SYNE1: variants seen among roughly 807,000 people sequenced by gnomAD.
SYNE1 encodes spectrin repeat containing nuclear envelope protein 1, also known as nesprin-1.
Under a neutral mutation model 1,111.0 loss-of-function variants are expected in SYNE1, and 616 were observed. That is an observed-to-expected ratio of 0.55 (90% CI 0.52 to 0.59). The LOEUF is 0.59. Among genes scored for constraint, SYNE1 ranks in the 20% least tolerant of loss-of-function variants. SYNE1 has a pLI of 0.00. For missense variants in SYNE1, 10,006 were observed against 10,417.0 expected (o/e 0.96, Z 1.72); for synonymous variants, 3,855 against 3,825.8 (o/e 1.01, Z -0.28).
At chr6:152,334,319 C>T in intron 76 of SYNE1, 46 bp from the exon 77 acceptor site, 1 of 1,603,290 alleles carries the variant, frequency 6.2e-7, no homozygotes, top group East Asian at 2.2e-5. Context: ...TTAAGAAATG[C>T]CCAAATAAAT....
intron 3 of SYNE1, among the ~76,000 whole-genome samples, chr6:152,549,347 A>G (rs1316086388): frequency 6.6e-6 from 1 of 152,202 alleles, no homozygotes; most frequent in African/African-American, 2.4e-5. Context: ...AAATCCACAT[A>G]CTGTGAGAAA....
chr6:152,612,929 C>T (rs534416427), intron 3 of SYNE1, among the ~76,000 whole-genome samples: 1 of 152,208 alleles, frequency 6.6e-6, no homozygotes, highest in South Asian at 2.1e-4. Flanking sequence ...CAGAAAAGGC[C>T]TTTGACAAAA....
rs578055399 is a variant in SYNE1, at chr6:152,239,583, C to T, written c.20017G>A (p.Val6673Ile). 3.7e-6 allele frequency: 6 copies of T among 1,614,206 alleles called. No homozygotes were observed. Among genetic ancestry groups the T allele is most frequent in the African/African-American group, 1.3e-5 (1 of 75,058 alleles). ...CCCCTCTTGTGAGCCCGTTTCAGTACAGCAGAAGCCTGAGCCATCAGCTCT... is the reference window on the plus strand; with the variant it reads ...CCCCTCTTGTGAGCCCGTTTCAGTATAGCAGAAGCCTGAGCCATCAGCTCT... ...HTELMAQASA[V>I]LKRAHKRGVE... Residue 6673 changes from valine to isoleucine, a missense_variant, in exon 108 of 146, where the codon GTA becomes ATA. Physicochemically the swap from Val to Ile is conservative, Grantham distance 29 (BLOSUM62 3). Around this residue, in one of 7 missense-constraint regions of SYNE1, gnomAD observed 2,182 missense variants for 2,287.8 expected, o/e 0.95. Transcript: ENST00000367255.
chr6:152,127,201 T>C (rs1287071856), intron 145 of SYNE1: 2 of 152,124 alleles, frequency 1.3e-5, no homozygotes, highest in African/African-American at 2.4e-5. Flanking sequence ...TACCCATCAA[T>C]GGCCCTTCAG....
chr6:152,179,747 C>T (rs1360771526), intron 129 of SYNE1, among the ~76,000 whole-genome samples: 3 of 128,522 alleles, frequency 2.3e-5, no homozygotes, highest in Non-Finnish European at 4.7e-5. Context: ...TGCAGTGGCA[C>T]GATCTCGGCT....
chr6:152,620,743 G>A (rs1416681206), intron 3 of SYNE1, among the ~76,000 whole-genome samples: 1 of 152,040 alleles, frequency 6.6e-6, no homozygotes, highest in Non-Finnish European at 1.5e-5. Flanking sequence ...CGGCCTCCCA[G>A]CTTCCCCCAT....
At chr6:152,523,617 C>T (rs146126475) in intron 5 of SYNE1, among the ~76,000 whole-genome samples, 1 of 152,170 alleles carries the variant, frequency 6.6e-6, no homozygotes, top group East Asian at 1.9e-4. Flanking sequence ...ATAGGAATTG[C>T]ATTGAATCTA....
At chr6:152,511,585 G>T (rs561359644) in intron 6 of SYNE1, 1 of 1,612,524 alleles carries the variant, frequency 6.2e-7, no homozygotes, top group Non-Finnish European at 8.5e-7. Flanking sequence ...GATCCTCTGT[G>T]CATGGACTGA....
intron 4 of SYNE1, among the ~76,000 whole-genome samples, chr6:152,532,287 C>T (rs567414098): frequency 1.3e-5 from 2 of 152,174 alleles, no homozygotes; most frequent in Admixed American, 6.5e-5. Context: ...ACCTGTCTCA[C>T]ACCAGGACCA....
At chr6:152,396,561 TTTG>T (rs1422864701) in intron 50 of SYNE1, among the ~76,000 whole-genome samples, 1 of 152,174 alleles carries the variant, frequency 6.6e-6, no homozygotes, top group Non-Finnish European at 1.5e-5. Context: ...GTAAATATAG[TTTG>T]TTTTCTCTAT....
chr6:152,453,809 C>T (rs1197246235), intron 24 of SYNE1, 89 bp from the exon 25 acceptor site: 1 of 1,554,612 alleles, frequency 6.4e-7, no homozygotes, highest in East Asian at 2.2e-5. Flanking sequence ...CCAAACAAGC[C>T]TCTCAGCCAG....
At chr6:152,463,278 A>G in intron 19 of SYNE1, 75 bp downstream of exon 19, 1 of 1,601,370 alleles carries the variant, frequency 6.2e-7, no homozygotes, top group African/African-American at 1.3e-5. Flanking sequence ...TAAAAATAGC[A>G]TTCTCTCTAA....
In SYNE1 at chr6:152,407,037, C is replaced by A; in HGVS notation, c.6700G>T (p.Glu2234Ter). ...ACCTCAAATTCTTTAAGCAGTTCTT[C>A]AGCTCTGAGGTGGTTATCCAGGTTG... ...ISNLDNHLRAEELLKEFESEV... is the reference protein window; with the variant it reads ...ISNLDNHLRA The change falls in exon 45 of 146, where the codon GAA becomes TAA. Residue 2234 changes from glutamate to a stop codon, truncating the protein, a stop_gained. Transcript: ENST00000367255. LOFTEE classifies it high-confidence loss of function. 1.2e-6 allele frequency: 2 copies of A among 1,613,258 alleles called. No individual in the cohort carries two copies. Among genetic ancestry groups the A allele is most frequent in the Non-Finnish European group, 1.7e-6 (2 of 1,179,822 alleles).
intron 12 of SYNE1, 125 bp from the exon 13 acceptor site, chr6:152,485,097 A>T: frequency 2.7e-6 from 3 of 1,121,068 alleles, no homozygotes; most frequent in Non-Finnish European, 3.8e-6. Flanking sequence ...GTTGATAATA[A>T]TAACGGTAGT....
intron 9 of SYNE1, among the ~76,000 whole-genome samples, chr6:152,504,041 T>C (rs1382591211): frequency 6.6e-6 from 1 of 152,102 alleles, no homozygotes; most frequent in Admixed American, 6.6e-5. Flanking sequence ...GCAACCTCAG[T>C]TTCTAATCAT....
chr6:152,617,997 C>A (rs2099664606), intron 3 of SYNE1, among the ~76,000 whole-genome samples: 1 of 152,204 alleles, frequency 6.6e-6, no homozygotes, highest in African/African-American at 2.4e-5. Context: ...AATGGACACC[C>A]TTCCAACCAT....
intron 3 of SYNE1, among the ~76,000 whole-genome samples, chr6:152,577,002 TCAGA>T (rs2099499223): frequency 6.6e-6 from 1 of 152,204 alleles, no homozygotes; most frequent in South Asian, 2.1e-4. Context: ...GCTTTTATTG[TCAGA>T]CAATCAAAAT....
rs370484324 is a variant in SYNE1, at chr6:152,149,448, T to C, written c.24642+29A>G. 3.8e-5 allele frequency: 62 copies of C among 1,613,822 alleles called. No homozygotes were observed. In the African/African-American group the frequency reaches 5.3e-4, roughly 14 times the overall value. Reference sequence around the variant, plus strand: ...CACGACTTATTCTCTTTAGATTTAATGACAACTAAGAAAATCAATGTTACA... The same window carrying C: ...CACGACTTATTCTCTTTAGATTTAACGACAACTAAGAAAATCAATGTTACA... On this transcript the variant is annotated intron_variant, in intron 136 of 145. Coordinates refer to ENST00000367255, the MANE Select transcript of SYNE1 (RefSeq NM_182961.4).
At chr6:152,140,291 CGTT>C in intron 139 of SYNE1, 130 bp from the exon 140 acceptor site, 1 of 863,582 alleles carries the variant, frequency 1.2e-6, no homozygotes, top group East Asian at 2.6e-5. Flanking sequence ...TGGGCATTTT[CGTT>C]GTTGTCATCT....
Sources: allele counts gnomAD v4.1 joint callset (sites outside exome capture counted in the v4.1 genomes callset), GRCh38; gene constraint gnomAD v4.1.1; regional missense constraint gnomAD v4.1.1; transcripts MANE v1.5; gene names NCBI Gene and HGNC (gene_info 2026-07-23, HGNC 2026-07-21).